ARID1B: variants seen among roughly 807,000 people sequenced by gnomAD.
ARID1B encodes AT-rich interaction domain 1B, also known as AT-rich interactive domain-containing protein 1B.
Under a neutral mutation model 212.3 loss-of-function variants are expected in ARID1B, and 30 were observed. That is an observed-to-expected ratio of 0.14 (90% confidence interval 0.11 to 0.19). ARID1B has a LOEUF of 0.19. Ranked by LOEUF, ARID1B falls within the 10% of genes least tolerant of loss-of-function variation. The pLI is 1.00. For synonymous variants in ARID1B, 1,402 were observed against 1,301.7 expected, an observed-to-expected ratio of 1.08 and a Z score of -1.66; for missense variants, 2,891 against 3,204.0, an observed-to-expected ratio of 0.90 and a Z score of 2.36.
chr6:157,173,211 T>C (rs1791845176), intron 9 of ARID1B: 2 of 152,368 alleles, frequency 1.3e-5, no homozygotes, highest in African/African-American at 4.8e-5. Flanking sequence ...GTATCTGCAA[T>C]GAATGTGGAG....
At chr6:156,898,578 A>G (rs1327649653) in intron 2 of ARID1B, among the ~76,000 whole-genome samples, 4 of 152,228 alleles carry the variant, frequency 2.6e-5, no homozygotes, top group East Asian at 1.9e-4. Context: ...TTTGTGTTTC[A>G]TAATACTATT....
In ARID1B at chr6:157,198,794, T is replaced by G; in HGVS notation, c.4383-17T>G. The G allele has an allele frequency of 6.3e-7, 1 of 1,594,936 alleles. No homozygotes were observed. The highest frequency in any genetic ancestry group is 8.6e-7 in the Non-Finnish European group (1 of 1,167,528). On this transcript the variant is annotated splice_polypyrimidine_tract_variant and intron_variant, in intron 16 of 19. Transcript: ENST00000636930. The stretch of plus-strand genomic sequence containing the variant: ...AGCTTTTTCTCAGTTAAGTTTTCTT[T>G]GAATGCCTCATTCCAGGCATGAACC...
chr6:156,782,411 T>C (rs1779345601), intron 1 of ARID1B, among the ~76,000 whole-genome samples: 1 of 152,152 alleles, frequency 6.6e-6, no homozygotes, highest in African/African-American at 2.4e-5. Context: ...AGTTTATTAC[T>C]AGATTTTTGT....
chr6:156,995,427 T>C (rs1413928507), intron 4 of ARID1B, among the ~76,000 whole-genome samples: 1 of 152,222 alleles, frequency 6.6e-6, no homozygotes, highest in East Asian at 1.9e-4. Flanking sequence ...CTTGAATAAG[T>C]AGGAGAGTTT....
intron 1 of ARID1B, among the ~76,000 whole-genome samples, chr6:156,802,608 G>A (rs1780867164): frequency 6.6e-6 from 1 of 152,102 alleles, no homozygotes; most frequent in Admixed American, 6.5e-5. Context: ...CTTAGGTTAG[G>A]ATTTCTCAAG....
intron 9 of ARID1B, among the ~76,000 whole-genome samples, chr6:157,170,920 A>G (rs1002685702): frequency 2.0e-5 from 3 of 152,256 alleles, no homozygotes; most frequent in East Asian, 1.9e-4. Flanking sequence ...GCGGATGTAC[A>G]TAGATCAGCC....
intron 2 of ARID1B, among the ~76,000 whole-genome samples, chr6:156,897,551 A>G (rs1788581392): frequency 1.3e-5 from 2 of 151,808 alleles, no homozygotes; most frequent in Admixed American, 6.6e-5. Flanking sequence ...TGGGATTATA[A>G]GCTTTAGCCA....
At chr6:157,025,629 G>C (rs138916341) in intron 4 of ARID1B, among the ~76,000 whole-genome samples, 3 of 152,218 alleles carry the variant, frequency 2.0e-5, no homozygotes, top group East Asian at 3.9e-4. Flanking sequence ...TTCCTTGTTT[G>C]TATCAGTAGT....
intron 6 of ARID1B, among the ~76,000 whole-genome samples, chr6:157,112,385 C>A (rs557686822): frequency 6.6e-6 from 1 of 152,228 alleles, no homozygotes; most frequent in South Asian, 2.1e-4. Flanking sequence ...TTGTGAGTTG[C>A]ACCTGTGTTG....
At chr6:156,887,805 T>A (rs1787631682) in intron 2 of ARID1B, among the ~76,000 whole-genome samples, 1 of 152,192 alleles carries the variant, frequency 6.6e-6, no homozygotes. Flanking sequence ...ATTTAAAACC[T>A]ACACACGAAT....
At chr6:157,041,665 C>CA (rs1417087741) in intron 4 of ARID1B, among the ~76,000 whole-genome samples, 17 of 152,296 alleles carry the variant, frequency 1.1e-4, no homozygotes, top group Admixed American at 5.2e-4. Flanking sequence ...AACAGGAACT[C>CA]AGAGTCTAGA....
intron 4 of ARID1B, among the ~76,000 whole-genome samples, chr6:157,062,764 C>T (rs1258542490): frequency 2.0e-5 from 3 of 149,374 alleles, no homozygotes; most frequent in Admixed American, 6.7e-5. Flanking sequence ...AATGCAATGA[C>T]GCGATCTCAG....
intron 1 of ARID1B, among the ~76,000 whole-genome samples, chr6:156,825,105 T>C (rs1482667479): frequency 6.6e-6 from 1 of 152,160 alleles, no homozygotes; most frequent in Non-Finnish European, 1.5e-5. Flanking sequence ...GCTCAGGCAA[T>C]CCACCTGCCT....
chr6:156,976,026 G>A (rs1017759319), intron 4 of ARID1B, among the ~76,000 whole-genome samples: 1 of 152,000 alleles, frequency 6.6e-6, no homozygotes, highest in African/African-American at 2.4e-5. Context: ...ATCGTACAAA[G>A]TACATTCACA....
chr6:157,170,480 T>A (rs1791644067), intron 9 of ARID1B, among the ~76,000 whole-genome samples: 1 of 152,276 alleles, frequency 6.6e-6, no homozygotes, highest in African/African-American at 2.4e-5. Context: ...AGGTAATGAT[T>A]TCAAGTGAAT....
intron 3 of ARID1B, among the ~76,000 whole-genome samples, chr6:156,927,293 G>A (rs1006331001): frequency 1.3e-5 from 2 of 151,726 alleles, no homozygotes; most frequent in Admixed American, 1.3e-4. Flanking sequence ...TTTTTCTGTT[G>A]CCATTTATTT....
At chr6:156,980,361 T>C (rs1258290560) in intron 4 of ARID1B, among the ~76,000 whole-genome samples, 1 of 151,942 alleles carries the variant, frequency 6.6e-6, no homozygotes, top group South Asian at 2.1e-4. Context: ...TGGGCGCCTG[T>C]AATCCCAGCT....
intron 2 of ARID1B, among the ~76,000 whole-genome samples, chr6:156,894,294 T>A (rs1411729990): frequency 7.8e-5 from 1 of 12,890 alleles, no homozygotes. Flanking sequence ...GCCGGGGGGT[T>A]GGGATGGGGG....
chr6:156,814,061 G>A (rs1687779416), intron 1 of ARID1B, among the ~76,000 whole-genome samples: 1 of 152,128 alleles, frequency 6.6e-6, no homozygotes, highest in African/African-American at 2.4e-5. Flanking sequence ...AAATTTACAA[G>A]GTGATGTTTA....
Sources: gnomAD v4.1 joint callset for allele counts (sites outside exome capture counted in the v4.1 genomes callset) on GRCh38, gnomAD v4.1.1 for gene constraint, MANE v1.5 for transcripts, NCBI Gene and HGNC (gene_info 2026-07-23, HGNC 2026-07-21) for gene names.